Variants in RERE observed in about 807,000 individuals in gnomAD.
The protein encoded by RERE is arginine-glutamic acid dipeptide repeats.
In RERE, 40 loss-of-function variants were observed where a neutral mutation model predicts 146.1. The observed-to-expected ratio is 0.27, with a 90% CI of 0.21 to 0.36. The LOEUF (loss-of-function observed/expected upper bound fraction) is 0.36, where lower values mean the gene tolerates loss of function less well. Among genes scored for constraint, RERE ranks in the 10% least tolerant of loss-of-function variants. The pLI is 1.00. For synonymous variants in RERE, 1,003 were observed against 866.0 expected, an observed-to-expected ratio of 1.16 and a Z score of -2.78; for missense variants, 1,933 against 2,138.7, an observed-to-expected ratio of 0.90 and a Z score of 1.90.
chr1:8,479,779 T>C (rs904916923), intron 10 of RERE, among the ~76,000 whole-genome samples: 1 of 152,160 alleles, frequency 6.6e-6, no homozygotes, highest in African/African-American at 2.4e-5. Flanking sequence ...CTCTCTGTCG[T>C]TTAAGCCACC....
At chr1:8,372,564 G>A (rs191836465) in intron 12 of RERE, among the ~76,000 whole-genome samples, 1 of 133,450 alleles carries the variant, frequency 7.5e-6, no homozygotes, top group Non-Finnish European at 1.6e-5. Context: ...GCCAAAGAAG[G>A]ACTCAGTCCT....
At chr1:8,564,796 T>G (rs1221396303) in intron 4 of RERE, among the ~76,000 whole-genome samples, 1 of 138,002 alleles carries the variant, frequency 7.2e-6, no homozygotes, top group Non-Finnish European at 1.6e-5. Flanking sequence ...AGACAGAAAA[T>G]GTGGTGTGTG....
intron 10 of RERE, among the ~76,000 whole-genome samples, chr1:8,493,696 T>G (rs184946413): frequency 1.3e-5 from 2 of 151,950 alleles, no homozygotes; most frequent in African/African-American, 4.8e-5. Flanking sequence ...CTAACTATAG[T>G]GACCTCTCAA....
At chr1:8,390,673 T>C (rs1184093211) in intron 12 of RERE, among the ~76,000 whole-genome samples, 2 of 147,844 alleles carry the variant, frequency 1.4e-5, no homozygotes, top group East Asian at 1.9e-4. Flanking sequence ...TAAAAAATCA[T>C]ATTTATCCAG....
Position 8,365,895 on chromosome 1 carries a change from C to G in RERE, c.1364G>C (p.Arg455Thr). 1 of 1,614,222 alleles carries G rather than the reference C, an allele frequency of 6.2e-7. No individual in the cohort carries two copies. The highest frequency in any genetic ancestry group is 1.1e-5 in the South Asian group (1 of 91,084). The change falls in exon 13 of 23, where the codon AGG becomes ACG. Residue 455 changes from arginine to threonine, a missense_variant. Around this residue, in one of 11 missense-constraint regions of RERE, gnomAD observed 260 missense variants for 378.4 expected, o/e 0.69. Transcript: ENST00000400908. ...CTTAATCCTCCTGAACACGGCCTGC[C>G]TGCGGTGCCTACGATGGGCTCGGGA... ...ASSRAHRRHR[R>T]QAVFRRIKTR...
intron 12 of RERE, among the ~76,000 whole-genome samples, chr1:8,417,650 CCT>C (rs1264014209): frequency 1.3e-5 from 2 of 152,138 alleles, no homozygotes; most frequent in Non-Finnish European, 2.9e-5. Context: ...TTGGTCCCAT[CCT>C]ATACATACTT....
chr1:8,441,182 C>A (rs893449736), intron 11 of RERE, among the ~76,000 whole-genome samples: 1 of 152,054 alleles, frequency 6.6e-6, no homozygotes, highest in Non-Finnish European at 1.5e-5. Flanking sequence ...CCTATGGGGG[C>A]GTGGGTTTCC....
At chr1:8,621,832 G>A (rs1207156150) in intron 3 of RERE, among the ~76,000 whole-genome samples, 2 of 151,918 alleles carry the variant, frequency 1.3e-5, no homozygotes, top group Non-Finnish European at 1.5e-5. Flanking sequence ...TAAACTGAAG[G>A]AGAAAAAAAT....
At chr1:8,720,622 G>A (rs527453042) in intron 1 of RERE, among the ~76,000 whole-genome samples, 16 of 152,252 alleles carry the variant, frequency 1.1e-4, no homozygotes, top group African/African-American at 3.1e-4. Context: ...TGCCGGCAAC[G>A]GACGAGTCGA....
At position 8,354,968 on chromosome 1, in the gene RERE, T is replaced by C. The variant is rs1438317284; in HGVS notation, c.*119A>G. 18 of 805,052 alleles carry C rather than the reference T, an allele frequency of 2.2e-5. No homozygotes were observed. The highest frequency in any genetic ancestry group is 3.2e-5 in the Non-Finnish European group (16 of 498,714). The allele number at this position is 805,052 out of a possible 1,614,324, so 49.9% of individuals were successfully genotyped here. A position where few individuals can be genotyped will look rare whatever the true frequency, so the allele number is the denominator to read the frequency against. ...ATTTTTAGTTGTGGGTTTTTAAATATATAAAGAAATCTTTAGAAGATATTC... is the reference window on the plus strand; with the variant it reads ...ATTTTTAGTTGTGGGTTTTTAAATACATAAAGAAATCTTTAGAAGATATTC... On this transcript the variant is annotated 3_prime_UTR_variant, in exon 23 of 23. Transcript: ENST00000400908.
At chr1:8,686,171 C>T (rs906333497) in intron 1 of RERE, among the ~76,000 whole-genome samples, 5 of 151,766 alleles carry the variant, frequency 3.3e-5, no homozygotes, top group African/African-American at 4.8e-5. Context: ...TTAGTAGAGA[C>T]GGGGTTTTGC....
chr1:8,765,610 G>C (rs1640831723), intron 1 of RERE, among the ~76,000 whole-genome samples: 1 of 152,190 alleles, frequency 6.6e-6, no homozygotes, highest in East Asian at 1.9e-4. Flanking sequence ...CCCGAGGTCA[G>C]GAGTTCAAAA....
chr1:8,560,418 T>C (rs954513041), intron 4 of RERE, among the ~76,000 whole-genome samples: 1 of 152,206 alleles, frequency 6.6e-6, no homozygotes, highest in African/African-American at 2.4e-5. Context: ...TTTTGTTTTT[T>C]AAGGAAAACA....
intron 12 of RERE, among the ~76,000 whole-genome samples, chr1:8,374,395 A>T (rs1314697969): frequency 6.6e-6 from 1 of 151,958 alleles, no homozygotes; most frequent in Non-Finnish European, 1.5e-5. Context: ...TACATTTACC[A>T]CTCCATTTGT....
At chr1:8,503,496 C>G (rs967862960) in intron 8 of RERE, among the ~76,000 whole-genome samples, 2 of 151,804 alleles carry the variant, frequency 1.3e-5, no homozygotes, top group African/African-American at 2.4e-5. Flanking sequence ...TAATAGGGAT[C>G]AGATGAATAA....
chr1:8,699,645 C>A (rs1639405201), intron 1 of RERE, among the ~76,000 whole-genome samples: 1 of 152,132 alleles, frequency 6.6e-6, no homozygotes, highest in South Asian at 2.1e-4. Context: ...TCCATTATTC[C>A]TTGGATTCAG....
Position 8,359,905 on chromosome 1 carries a change from C to G in RERE, c.3477G>C (p.Leu1159=). 1 of 1,613,352 alleles carries G rather than the reference C, an allele frequency of 6.2e-7. No individual in the cohort carries two copies. The highest frequency in any genetic ancestry group is 2.2e-5 in the East Asian group (1 of 44,866). ...LYFMPLAGSK[L]AKKREEAIEK... is the part of the protein sequence containing the mutation. ...CAATGGCCTCCTCCCTCTTCTTGGC[C>G]AGCTTGGACCCGGCCAGAGGCATGA... Residue 1159 remains leucine, a synonymous_variant, in exon 19 of 23, where the codon CTG becomes CTC. Coordinates refer to ENST00000400908, the MANE Select transcript of RERE (RefSeq NM_001042681.2).
rs1179301567 is a variant in RERE, at chr1:8,796,051, T to C, written c.-145+21109A>G. 4.0e-5 allele frequency among the ~76,000 whole-genome samples: 6 copies of C among 151,030 alleles called. No homozygotes were observed. In the South Asian group the frequency reaches 8.4e-4, roughly 21 times the overall value. On this transcript the variant is annotated intron_variant, in intron 1 of 22. Transcript: ENST00000400908. ...ATATAAATTATGTTTTAAACTACTA[T>C]CATATAACCTAGTAGTTCTCTCCAA...
chr1:8,511,503 A>G (rs1645334745), intron 7 of RERE, among the ~76,000 whole-genome samples: 1 of 152,254 alleles, frequency 6.6e-6, no homozygotes, highest in Non-Finnish European at 1.5e-5. Context: ...AGCCTACTAT[A>G]TGCAAGAGTT....
Sources: gnomAD v4.1 joint callset for allele counts (sites outside exome capture counted in the v4.1 genomes callset) on GRCh38, gnomAD v4.1.1 for gene constraint, gnomAD v4.1.1 regional missense constraint, MANE v1.5 for transcripts, NCBI Gene and HGNC (gene_info 2026-07-23, HGNC 2026-07-21) for gene names.